SIPA1L1: variants seen among roughly 807,000 people sequenced by gnomAD.
The protein encoded by SIPA1L1 is signal-induced proliferation-associated 1-like protein 1.
SIPA1L1 carries 26 observed loss-of-function variants against 162.7 expected under a neutral mutation model. The observed-to-expected ratio is 0.16, with a 90% CI of 0.12 to 0.22. The LOEUF is 0.22. Ranked by LOEUF, SIPA1L1 falls within the 10% of genes least tolerant of loss-of-function variation. SIPA1L1 has a pLI of 1.00. For missense variants in SIPA1L1, 1,874 were observed against 2,241.0 expected, an observed-to-expected ratio of 0.84 and a Z score of 3.31; for synonymous variants, 829 against 837.4, an observed-to-expected ratio of 0.99 and a Z score of 0.17.
chr14:71,399,015 G>T (rs934618902), intron 2 of SIPA1L1, among the ~76,000 whole-genome samples: 1 of 152,332 alleles, frequency 6.6e-6, no homozygotes, highest in East Asian at 1.9e-4. Context: ...TGTTTGGCTG[G>T]TGAGGGTGGA....
intron 9 of SIPA1L1, among the ~76,000 whole-genome samples, chr14:71,660,253 C>A (rs2043396874): frequency 6.6e-6 from 1 of 151,870 alleles, no homozygotes; most frequent in Non-Finnish European, 1.5e-5. Flanking sequence ...CAATACACAC[C>A]AGCCTTTATT....
At chr14:71,426,981 A>G (rs573906554) in intron 2 of SIPA1L1, among the ~76,000 whole-genome samples, 2 of 152,346 alleles carry the variant, frequency 1.3e-5, no homozygotes, top group South Asian at 4.1e-4. Flanking sequence ...GTGGCATTGT[A>G]ACTAATAGCA....
intron 2 of SIPA1L1, among the ~76,000 whole-genome samples, chr14:71,475,721 GAGCTATGTACATAGGACAC>G (rs2047794947): frequency 6.6e-6 from 1 of 152,202 alleles, no homozygotes; most frequent in African/African-American, 2.4e-5. Context: ...TGAATGGCCA[GAGCTATGTACATAGGACAC>G]AGCTGAAAAA....
At chr14:71,396,459 CT>C (rs1348207517) in intron 2 of SIPA1L1, among the ~76,000 whole-genome samples, 10 of 152,104 alleles carry the variant, frequency 6.6e-5, no homozygotes, top group African/African-American at 2.4e-4. Flanking sequence ...CTATTGTCCC[CT>C]GTTTGTTCAT....
chr14:71,617,767 G>A (rs1003830956), intron 5 of SIPA1L1, among the ~76,000 whole-genome samples: 7 of 152,060 alleles, frequency 4.6e-5, no homozygotes, highest in African/African-American at 7.3e-5. Context: ...TCATTTAGCC[G>A]TGTCAGATAT....
rs71105788 is a variant in SIPA1L1 at position 71,627,131 on chromosome 14, C to CTTTTTTTT, written c.1818+2931_1818+2938dup. On this transcript the variant is annotated intron_variant, in intron 7 of 23. Coordinates refer to ENST00000381232, the MANE Select transcript of SIPA1L1 (RefSeq NM_001386936.1). ...TGATGCCTTTCTGGGACTTTCACTA[C>CTTTTTTTT]TTTTTTTTTTTTTTTTTTTTTTTTT... Among the ~76,000 whole-genome samples, 58 of 48,782 alleles carry CTTTTTTTT rather than the reference C, an allele frequency of 1.2e-3. 1 individual carries two copies. The highest frequency in any genetic ancestry group is 1.6e-3 in the Non-Finnish European group (44 of 27,974). The allele number at this position is 48,782 out of a possible 152,430, so 32.0% of individuals were successfully genotyped here.
rs374188814 is a variant in SIPA1L1 at position 71,439,587 on chromosome 14, T to C, written c.-464-73156T>C. On this transcript the variant is annotated intron_variant, in intron 2 of 23. Coordinates refer to ENST00000381232, the MANE Select transcript of SIPA1L1 (RefSeq NM_001386936.1). ...GGAATGGAAAACATTAATTTATCTT[T>C]CTAAGAAAAGTATTTGGCTGGAGGA... Among the ~76,000 whole-genome samples, 7 of 152,364 alleles carry C rather than the reference T, an allele frequency of 4.6e-5. No individual in the cohort carries two copies. In the South Asian group the frequency reaches 6.2e-4, roughly 14 times the overall value.
intron 5 of SIPA1L1, among the ~76,000 whole-genome samples, chr14:71,610,233 A>G (rs1157749943): frequency 1.3e-5 from 2 of 152,248 alleles, no homozygotes; most frequent in Admixed American, 1.3e-4. Flanking sequence ...TAGTAAAAAT[A>G]AAGATGCATT....
chr14:71,354,971 A>C (rs1472353508), intron 2 of SIPA1L1, among the ~76,000 whole-genome samples: 1 of 152,150 alleles, frequency 6.6e-6, no homozygotes, highest in Non-Finnish European at 1.5e-5. Flanking sequence ...CACTAACATT[A>C]GTGAGACTTG....
chr14:71,459,071 G>GA (rs200892418), intron 2 of SIPA1L1, among the ~76,000 whole-genome samples: 5,001 of 134,060 alleles, frequency 0.037, 246 homozygotes, highest in African/African-American at 0.12. Flanking sequence ...GGCTCTGTCT[G>GA]AAAAAAAAAA....
chr14:71,709,498 G>A lies in SIPA1L1; in HGVS notation c.4042G>A (p.Val1348Ile). Residue 1348 changes from valine to isoleucine, a missense_variant, in exon 17 of 24, where the codon GTA (valine) becomes ATA (isoleucine). Coordinates refer to ENST00000381232, the MANE Select transcript of SIPA1L1 (RefSeq NM_001386936.1). The part of the protein sequence containing the change: ...VAPLWHSSSE[V>I]ISMADRTLET... The stretch of plus-strand genomic sequence containing the variant: ...ACCCCTATGGCACAGCTCCAGTGAA[G>A]TAATCTCCATGGCAGATCGGACTTT... The A allele has an allele frequency of 6.2e-7, 1 of 1,614,234 alleles. No individual in the cohort carries two copies.
chr14:71,669,198 T>G (rs1359588852), intron 10 of SIPA1L1, among the ~76,000 whole-genome samples: 1 of 152,208 alleles, frequency 6.6e-6, no homozygotes, highest in Admixed American at 6.5e-5. Context: ...TCATTGAAAA[T>G]TATATGGTAA....
intron 2 of SIPA1L1, among the ~76,000 whole-genome samples, chr14:71,462,601 C>T (rs186266245): frequency 6.6e-4 from 101 of 152,296 alleles, no homozygotes; most frequent in Non-Finnish European, 9.6e-4. Context: ...TGACAGGCCC[C>T]ATACCACTGG....
intron 2 of SIPA1L1, among the ~76,000 whole-genome samples, chr14:71,446,880 G>C (rs2045388360): frequency 7.3e-6 from 1 of 136,174 alleles, no homozygotes; most frequent in Non-Finnish European, 1.5e-5. Context: ...TGCAAATAAA[G>C]AGAGATGGGC....
At chr14:71,420,810 A>C (rs759115286) in intron 2 of SIPA1L1, among the ~76,000 whole-genome samples, 1 of 152,188 alleles carries the variant, frequency 6.6e-6, no homozygotes, top group Non-Finnish European at 1.5e-5. Context: ...TTAACAGAGA[A>C]GCACTTAAAA....
chr14:71,617,549 G>T (rs1449674847), intron 5 of SIPA1L1, among the ~76,000 whole-genome samples: 1 of 152,164 alleles, frequency 6.6e-6, no homozygotes, highest in Non-Finnish European at 1.5e-5. Context: ...CAACATTTAT[G>T]ATTGTAGCTT....
intron 10 of SIPA1L1, 84 bp downstream of exon 10, chr14:71,661,551 T>C: frequency 2.8e-6 from 4 of 1,413,722 alleles, no homozygotes; most frequent in Non-Finnish European, 3.8e-6. Flanking sequence ...CATTCTAAAG[T>C]GGCAATGGGA....
At chr14:71,692,953 T>C (rs2081353903) in intron 13 of SIPA1L1, among the ~76,000 whole-genome samples, 1 of 152,110 alleles carries the variant, frequency 6.6e-6, no homozygotes, top group Non-Finnish European at 1.5e-5. Flanking sequence ...GTGGGCAAGG[T>C]CCTGTCCTTC....
intron 2 of SIPA1L1, among the ~76,000 whole-genome samples, chr14:71,378,190 A>T (rs2039589496): frequency 6.7e-6 from 1 of 150,250 alleles, no homozygotes; most frequent in African/African-American, 2.5e-5. Flanking sequence ...TGGCTGTGTT[A>T]ATTTTTTCTG....
Sources: gnomAD v4.1 joint callset for allele counts (sites outside exome capture counted in the v4.1 genomes callset) on GRCh38, gnomAD v4.1.1 for gene constraint, MANE v1.5 for transcripts, NCBI Gene and HGNC (gene_info 2026-07-23, HGNC 2026-07-21) for gene names.